Variants in NAV1 observed in about 807,000 individuals in gnomAD.
NAV1 encodes pore membrane and/or filament interacting like protein 3.
In NAV1, 18 loss-of-function variants were observed where a neutral mutation model predicts 175.2. That is an observed-to-expected ratio of 0.10 (90% CI 0.07 to 0.15). NAV1 has a LOEUF of 0.15. Ranked by LOEUF, NAV1 falls within the 10% of genes least tolerant of loss-of-function variation. The pLI is 1.00. For synonymous variants in NAV1, 897 were observed against 978.7 expected (o/e 0.92, Z 1.56); for missense variants, 1,731 against 2,436.6 (o/e 0.71, Z 6.10).
chr1:201,780,470 A>G, exon 4 of NAV1: 1 of 1,614,230 alleles, frequency 6.2e-7, no homozygotes, highest in Non-Finnish European at 8.5e-7. Flanking sequence ...TGCCTCAGAC[A>G]ATCTCAGTTC....
chr1:201,743,209 TAAG>T (rs1230517396), intron 3 of NAV1, among the ~76,000 whole-genome samples: 1 of 152,202 alleles, frequency 6.6e-6, no homozygotes, highest in Non-Finnish European at 1.5e-5. Context: ...TACTATGCTA[TAAG>T]GAGACTATTC....
chr1:201,757,151 C>G (rs1056441868), intron 3 of NAV1, among the ~76,000 whole-genome samples: 6 of 152,168 alleles, frequency 3.9e-5, no homozygotes, highest in African/African-American at 1.4e-4. Context: ...AACTCTGCAG[C>G]TTGACTTTCA....
intron 1 of NAV1, among the ~76,000 whole-genome samples, chr1:201,572,256 C>T (rs1036973457): frequency 4.6e-5 from 7 of 152,148 alleles, no homozygotes; most frequent in African/African-American, 1.7e-4. Flanking sequence ...GGCTACAGAA[C>T]CCTGGATCCT....
intron 3 of NAV1, 74 bp from the exon 8 acceptor site, chr1:201,780,347 C>A: frequency 6.4e-7 from 1 of 1,573,554 alleles, no homozygotes; most frequent in South Asian, 1.1e-5. Flanking sequence ...GCCATTCTTG[C>A]ATCAATGTGA....
chr1:201,621,333 T>C (rs1668161863), upstream of NAV1, among the ~76,000 whole-genome samples: 1 of 97,138 alleles, frequency 1.0e-5, no homozygotes, highest in Admixed American at 9.0e-5. Flanking sequence ...CTTTTCTTTC[T>C]TTTTTTTTTT....
At chr1:201,797,373 C>A (rs1346339736) in intron 15 of NAV1, 1 of 152,086 alleles carries the variant, frequency 6.6e-6, no homozygotes, top group Non-Finnish European at 1.5e-5. Flanking sequence ...CTATTCCATT[C>A]TTCTATATGT....
intron 3 of NAV1, among the ~76,000 whole-genome samples, chr1:201,731,101 CA>C (rs1347626650): frequency 6.6e-6 from 1 of 152,060 alleles, no homozygotes; most frequent in Non-Finnish European, 1.5e-5. Context: ...ACATTGGAGG[CA>C]GATCGACACT....
intron 1 of NAV1, among the ~76,000 whole-genome samples, chr1:201,705,534 C>T (rs1043295395): frequency 3.3e-5 from 5 of 152,140 alleles, no homozygotes; most frequent in Non-Finnish European, 5.9e-5. Context: ...GGGAGCTCCC[C>T]TGGGGAGCAG....
chr1:201,667,765 C>A (rs1005956743), intron 1 of NAV1, among the ~76,000 whole-genome samples: 1 of 152,200 alleles, frequency 6.6e-6, no homozygotes, highest in African/African-American at 2.4e-5. Context: ...AAAGTCACTC[C>A]GCAGTTCCTC....
At chr1:201,648,279 C>A in exon 1 of NAV1, 7 of 1,074,414 alleles carry the variant, frequency 6.5e-6, no homozygotes, top group Non-Finnish European at 7.9e-6. Context: ...AGGCCGCGGG[C>A]TGGGATCCGG....
intron 4 of NAV1, 136 bp from the exon 9 acceptor site, chr1:201,780,876 A>G (rs1676280748): frequency 1.9e-6 from 2 of 1,031,496 alleles, no homozygotes. Context: ...CCCTAGGGGT[A>G]TAGGTAGAAA....
intron 4 of NAV1, 86 bp from the exon 9 acceptor site, chr1:201,780,926 G>T (rs929900869): frequency 7.0e-7 from 1 of 1,423,204 alleles, no homozygotes; most frequent in Admixed American, 2.4e-5. Flanking sequence ...AGCAGCGCCA[G>T]GTACTAACTA....
chr1:201,574,095 A>C (rs494629), intron 1 of NAV1, among the ~76,000 whole-genome samples: 5 of 151,844 alleles, frequency 3.3e-5, no homozygotes, highest in African/African-American at 1.2e-4. Flanking sequence ...AAATAAACTG[A>C]AGAGTTCTAT....
chr1:201,720,072 C>T (rs1672315714), intron 3 of NAV1, among the ~76,000 whole-genome samples: 2 of 152,242 alleles, frequency 1.3e-5, no homozygotes, highest in African/African-American at 2.4e-5. Context: ...CGCTCAGATC[C>T]ACCAGCCTGG....
chr1:201,554,173 T>C (rs1357590190), intron 1 of NAV1, among the ~76,000 whole-genome samples: 1 of 152,202 alleles, frequency 6.6e-6, no homozygotes, highest in African/African-American at 2.4e-5. Context: ...AGACAGAATG[T>C]TATTCTTTAA....
At chr1:201,634,122 G>A (rs753156459) in intron 2 of NAV1, among the ~76,000 whole-genome samples, 1 of 152,150 alleles carries the variant, frequency 6.6e-6, no homozygotes, top group African/African-American at 2.4e-5. Context: ...TGCAGCCTTG[G>A]GGAACTTATT....
chr1:201,660,001 GCTATTGT>G (rs1475881793), intron 1 of NAV1, among the ~76,000 whole-genome samples: 4 of 152,202 alleles, frequency 2.6e-5, no homozygotes, highest in African/African-American at 9.7e-5. Flanking sequence ...GTCCCTAGGA[GCTATTGT>G]CCTAGAGTTC....
chr1:201,588,146 C>A (rs910192292), intron 1 of NAV1, among the ~76,000 whole-genome samples: 32 of 151,846 alleles, frequency 2.1e-4, no homozygotes, highest in Non-Finnish European at 4.1e-4. Flanking sequence ...TCATAATAGC[C>A]AAAAAAGTGG....
At chr1:201,647,711 A>G (rs1208662521), upstream of NAV1, among the ~76,000 whole-genome samples, 2 of 151,910 alleles carry the variant, frequency 1.3e-5, no homozygotes, top group African/African-American at 4.8e-5. Flanking sequence ...GTAGGGCGGG[A>G]CTGGGAGTTT....
Sources: gnomAD v4.1 joint callset for allele counts (sites outside exome capture counted in the v4.1 genomes callset) on GRCh38, gnomAD v4.1.1 for gene constraint, MANE v1.5 for transcripts, NCBI Gene and HGNC (gene_info 2026-07-23, HGNC 2026-07-21) for gene names.